CNTNAP5: variants seen among roughly 807,000 people sequenced by gnomAD.
CNTNAP5 encodes the protein contactin associated protein family member 5, also known as contactin-associated protein-like 5.
CNTNAP5 carries 72 observed loss-of-function variants against 150.2 expected under a neutral mutation model. The observed-to-expected ratio is 0.48, with a 90% confidence interval of 0.40 to 0.58. CNTNAP5 has a LOEUF of 0.58. Ranked by LOEUF, CNTNAP5 falls within the 20% of genes least tolerant of loss-of-function variation. The probability of loss-of-function intolerance (pLI) is 0.00; values close to 1 mark genes in which losing one functional copy is unlikely to be tolerated. For missense variants in CNTNAP5, 1,636 were observed against 1,626.2 expected, an observed-to-expected ratio of 1.01 and a Z score of -0.10; for synonymous variants, 672 against 619.8, an observed-to-expected ratio of 1.08 and a Z score of -1.25.
intron 6 of CNTNAP5, among the ~76,000 whole-genome samples, chr2:124,463,800 G>T (rs112961659): frequency 3.9e-5 from 6 of 152,304 alleles, no homozygotes; most frequent in African/African-American, 1.4e-4. Flanking sequence ...GTGGAACCAG[G>T]TGTAGAAGAA....
chr2:124,220,956 C>T (rs1342286087), intron 1 of CNTNAP5, among the ~76,000 whole-genome samples: 2 of 152,106 alleles, frequency 1.3e-5, no homozygotes, highest in African/African-American at 4.8e-5. Context: ...ATATCAGTGT[C>T]AACCCGGAGG....
intron 3 of CNTNAP5, among the ~76,000 whole-genome samples, chr2:124,406,784 C>T (rs1456318957): frequency 3.3e-5 from 5 of 152,144 alleles, no homozygotes; most frequent in Non-Finnish European, 4.4e-5. Flanking sequence ...TGCTATTAAA[C>T]ATTAGAACAT....
At chr2:124,844,544 G>T (rs1683007504) in intron 19 of CNTNAP5, among the ~76,000 whole-genome samples, 1 of 151,216 alleles carries the variant, frequency 6.6e-6, no homozygotes, top group South Asian at 2.1e-4. Flanking sequence ...TATAATGATG[G>T]TGGTGTTTTG....
rs1011381953 is a variant in CNTNAP5 at position 124,817,932 on chromosome 2, G to T, written c.3217+19612G>T. On this transcript the variant is annotated intron_variant, in intron 19 of 23. Coordinates refer to ENST00000682447, the MANE Select transcript of CNTNAP5 (RefSeq NM_001367498.1). ...AACTGAGTGCAAATGGGCCGGTCTT[G>T]TGTTACCACCATGTAACTGCCTTTC... Among the ~76,000 whole-genome samples, 5 of 152,156 alleles carry T rather than the reference G, an allele frequency of 3.3e-5. No homozygotes were observed. In the South Asian group the frequency reaches 1.0e-3, roughly 32 times the overall value.
intron 3 of CNTNAP5, among the ~76,000 whole-genome samples, chr2:124,243,165 C>T (rs542975391): frequency 6.6e-6 from 1 of 152,136 alleles, no homozygotes; most frequent in Non-Finnish European, 1.5e-5. Flanking sequence ...ACCTCAGGCA[C>T]TGAATAAAAT....
chr2:124,430,547 G>A (rs1422194318), intron 4 of CNTNAP5, among the ~76,000 whole-genome samples: 1 of 152,158 alleles, frequency 6.6e-6, no homozygotes, highest in East Asian at 1.9e-4. Flanking sequence ...TGGGAGAGGT[G>A]AACAGAGCAG....
At chr2:124,690,024 AT>A (rs34426663) in intron 13 of CNTNAP5, among the ~76,000 whole-genome samples, 8 of 151,512 alleles carry the variant, frequency 5.3e-5, no homozygotes, top group African/African-American at 1.9e-4. Flanking sequence ...CTTACGGGAA[AT>A]TTTTTTTTGT....
intron 12 of CNTNAP5, among the ~76,000 whole-genome samples, chr2:124,641,658 C>T (rs1678096973): frequency 6.6e-6 from 1 of 152,230 alleles, no homozygotes; most frequent in Middle Eastern, 3.4e-3. Context: ...CCCTGGGGAC[C>T]TTAATATAGA....
intron 11 of CNTNAP5, among the ~76,000 whole-genome samples, chr2:124,580,874 T>A (rs955033131): frequency 9.2e-5 from 14 of 152,186 alleles, no homozygotes; most frequent in African/African-American, 3.1e-4. Flanking sequence ...CAGAACAATA[T>A]GGGATGTCCT....
chr2:124,103,393 G>A (rs568612073), intron 1 of CNTNAP5, among the ~76,000 whole-genome samples: 1 of 152,048 alleles, frequency 6.6e-6, no homozygotes, highest in Non-Finnish European at 1.5e-5. Context: ...GCCTACAGCA[G>A]TGTAGAGTGA....
At chr2:124,608,132 A>T (rs548882894) in intron 11 of CNTNAP5, among the ~76,000 whole-genome samples, 1 of 152,174 alleles carries the variant, frequency 6.6e-6, no homozygotes, top group Admixed American at 6.5e-5. Context: ...CTGGGATGGG[A>T]CATTAGTCAC....
rs140893750 is a variant in CNTNAP5 at position 124,693,827 on chromosome 2, CA to C, written c.2077+45879del. On this transcript the variant is annotated intron_variant, in intron 13 of 23. Coordinates refer to ENST00000682447, the MANE Select transcript of CNTNAP5 (RefSeq NM_001367498.1). The stretch of plus-strand genomic sequence containing the variant: ...AAACAAAAGAAAAAACAAAAGAAAG[CA>C]AAAAAAAAAGGCAAAAAAAAAAAAA... Among the ~76,000 whole-genome samples, 343 of 100,392 alleles carry C rather than the reference CA, an allele frequency of 3.4e-3. 2 individuals carry two copies. The highest frequency in any genetic ancestry group is 4.7e-3 in the East Asian group (14 of 2,952). 65.9% of individuals were successfully genotyped at this position (100,392 alleles called of 152,430 possible). A position where few individuals can be genotyped will look rare whatever the true frequency, so the allele number is the denominator to read the frequency against.
At chr2:124,467,476 A>C (rs1455947477) in intron 6 of CNTNAP5, among the ~76,000 whole-genome samples, 1 of 152,136 alleles carries the variant, frequency 6.6e-6, no homozygotes, top group Non-Finnish European at 1.5e-5. Context: ...TCTTATATGG[A>C]GGGCTTGATG....
chr2:124,579,596 A>C (rs1696366307), intron 11 of CNTNAP5, among the ~76,000 whole-genome samples: 1 of 152,228 alleles, frequency 6.6e-6, no homozygotes, highest in Non-Finnish European at 1.5e-5. Context: ...CCCGATAGTC[A>C]TAATAGTAGT....
At chr2:124,554,256 C>G (rs1695699891) in intron 10 of CNTNAP5, among the ~76,000 whole-genome samples, 1 of 151,986 alleles carries the variant, frequency 6.6e-6, no homozygotes, top group African/African-American at 2.4e-5. Flanking sequence ...ATTTTATTAA[C>G]TTTCCAAGTT....
rs1416978977 is a variant in CNTNAP5 at position 124,657,120 on chromosome 2, A to G, written c.2077+9162A>G. The stretch of plus-strand genomic sequence containing the variant: ...TTAGGTACTGATAGAGGGTCTCCCA[A>G]TCTCATAGTGTGGCCATTCAAAGAG... On this transcript the variant is annotated intron_variant, in intron 13 of 23. Coordinates refer to ENST00000682447, the MANE Select transcript of CNTNAP5 (RefSeq NM_001367498.1). Among the ~76,000 whole-genome samples the G allele has an allele frequency of 3.3e-5, 5 of 152,106 alleles. No homozygotes were observed. In the South Asian group the frequency reaches 8.3e-4, roughly 25 times the overall value.
chr2:124,390,312 G>A (rs1691077988), intron 3 of CNTNAP5, among the ~76,000 whole-genome samples: 2 of 152,168 alleles, frequency 1.3e-5, no homozygotes, highest in African/African-American at 4.8e-5. Context: ...TAGCTTAGCA[G>A]CTAATCCTGA....
At chr2:124,273,191 T>C (rs982189979) in intron 3 of CNTNAP5, among the ~76,000 whole-genome samples, 1 of 152,236 alleles carries the variant, frequency 6.6e-6, no homozygotes, top group African/African-American at 2.4e-5. Flanking sequence ...TCTTAGCACC[T>C]CATCTGTAGT....
chr2:124,329,472 C>T (rs987682874), intron 3 of CNTNAP5, among the ~76,000 whole-genome samples: 1 of 152,104 alleles, frequency 6.6e-6, no homozygotes, highest in Non-Finnish European at 1.5e-5. Flanking sequence ...GTCCTTGGTT[C>T]TGAGGCTGCT....
Sources: allele counts gnomAD v4.1 joint callset (sites outside exome capture counted in the v4.1 genomes callset), GRCh38; gene constraint gnomAD v4.1.1; transcripts MANE v1.5; gene names NCBI Gene and HGNC (gene_info 2026-07-23, HGNC 2026-07-21).